Variants in GRB10 observed in about 807,000 individuals in gnomAD.
The protein encoded by GRB10 is growth factor receptor bound protein 10.
In GRB10, 20 loss-of-function variants were observed where a neutral mutation model predicts 80.9. That is an observed-to-expected ratio of 0.25 (90% CI 0.17 to 0.36). The LOEUF is 0.36. GRB10 is among the 10% of genes least tolerant of loss of function. The pLI is 1.00. For missense variants in GRB10, 548 were observed against 747.7 expected (o/e 0.73, Z 3.12); for synonymous variants, 291 against 291.5 (o/e 1.00, Z 0.02).
At chr7:50,619,863 G>A (rs1460431635) in intron 8 of GRB10, among the ~76,000 whole-genome samples, 4 of 152,096 alleles carry the variant, frequency 2.6e-5, no homozygotes, top group Admixed American at 6.5e-5. Context: ...CTTGTCAACC[G>A]AATTACACGT....
chr7:50,674,721 T>C, intron 5 of GRB10, 63 bp from the exon 6 acceptor site: 1 of 1,375,196 alleles, frequency 7.3e-7, no homozygotes, highest in Non-Finnish European at 1.0e-6. Flanking sequence ...CAAACCCAAA[T>C]GTACATCTTG....
chr7:50,700,583 TTTTC>T (rs1378366889), intron 5 of GRB10, among the ~76,000 whole-genome samples: 1 of 152,218 alleles, frequency 6.6e-6, no homozygotes, highest in Non-Finnish European at 1.5e-5. Context: ...TAATTTCAAT[TTTTC>T]TTTTTTTGAA....
At chr7:50,755,670 G>A (rs1010046787) in intron 3 of GRB10, among the ~76,000 whole-genome samples, 2 of 152,104 alleles carry the variant, frequency 1.3e-5, no homozygotes, top group South Asian at 2.1e-4. Flanking sequence ...ATCCCTACCC[G>A]ACTCAGCCCG....
chr7:50,638,475 T>C (rs144332590), intron 7 of GRB10, among the ~76,000 whole-genome samples: 158 of 152,044 alleles, frequency 1.0e-3, no homozygotes, highest in African/African-American at 3.5e-3. Context: ...AAGCGGCCAA[T>C]AAACACATAA....
intron 17 of GRB10, among the ~76,000 whole-genome samples, chr7:50,601,063 G>A (rs1404883687): frequency 1.3e-5 from 2 of 152,238 alleles, no homozygotes; most frequent in South Asian, 4.1e-4. Flanking sequence ...AGAAATGTGG[G>A]CCATCGCGAT....
intron 18 of GRB10, among the ~76,000 whole-genome samples, chr7:50,593,594 T>C (rs2046110822): frequency 6.6e-6 from 1 of 152,152 alleles, no homozygotes. Flanking sequence ...CGCAGGTAAA[T>C]TCCGTTCCTA....
intron 4 of GRB10, among the ~76,000 whole-genome samples, chr7:50,728,105 T>C (rs998180787): frequency 6.6e-6 from 1 of 152,164 alleles, no homozygotes; most frequent in African/African-American, 2.4e-5. Context: ...AAGAGAGACA[T>C]TTCAAATGAT....
intron 4 of GRB10, 150 bp downstream of exon 4, chr7:50,732,122 T>G (rs1290908915): frequency 2.9e-5 from 23 of 790,416 alleles, no homozygotes; most frequent in Non-Finnish European, 6.6e-6. Context: ...AGTGGGCCTC[T>G]GCACCATGGG....
At chr7:50,620,619 G>A (rs2051530849) in intron 8 of GRB10, among the ~76,000 whole-genome samples, 3 of 152,178 alleles carry the variant, frequency 2.0e-5, no homozygotes, top group African/African-American at 7.2e-5. Flanking sequence ...CCCCGTGGCT[G>A]CCAGAAAGCT....
chr7:50,707,427 C>G (rs2065191174), intron 4 of GRB10, among the ~76,000 whole-genome samples: 1 of 152,168 alleles, frequency 6.6e-6, no homozygotes, highest in Non-Finnish European at 1.5e-5. Flanking sequence ...CAGAGCTGCC[C>G]GCTCCCGGGC....
intron 7 of GRB10, among the ~76,000 whole-genome samples, chr7:50,632,758 T>TG (rs1459261598): frequency 6.6e-6 from 1 of 152,106 alleles, no homozygotes; most frequent in African/African-American, 2.4e-5. Context: ...GGCTACCTGC[T>TG]GGGCTAAGCA....
chr7:50,715,211 T>C (rs1197003918), intron 4 of GRB10, among the ~76,000 whole-genome samples: 5 of 151,546 alleles, frequency 3.3e-5, no homozygotes, highest in African/African-American at 1.2e-4. Flanking sequence ...TGGCAGCCCT[T>C]TGAAGGGCAG....
intron 6 of GRB10, among the ~76,000 whole-genome samples, chr7:50,674,166 G>A (rs376292415): frequency 3.3e-5 from 5 of 152,154 alleles, no homozygotes; most frequent in Non-Finnish European, 5.9e-5. Flanking sequence ...TGGTTTTCCT[G>A]CATATCCCTC....
chr7:50,717,918 C>T (rs1453748819), intron 4 of GRB10, among the ~76,000 whole-genome samples: 1 of 152,236 alleles, frequency 6.6e-6, no homozygotes, highest in Non-Finnish European at 1.5e-5. Context: ...CCATGCTTTG[C>T]TTGACCCCAC....
At chr7:50,736,424 C>A (rs908113755) in intron 3 of GRB10, among the ~76,000 whole-genome samples, 18 of 152,210 alleles carry the variant, frequency 1.2e-4, no homozygotes, top group African/African-American at 4.3e-4. Flanking sequence ...TAAATCCTCA[C>A]ATATATGGTC....
chr7:50,663,895 G>T (rs972523512), intron 7 of GRB10, among the ~76,000 whole-genome samples: 1 of 152,188 alleles, frequency 6.6e-6, no homozygotes, highest in African/African-American at 2.4e-5. Flanking sequence ...AAACCAGCAG[G>T]CCAGGACCTG....
intron 2 of GRB10, among the ~76,000 whole-genome samples, chr7:50,773,066 T>A (rs1353752223): frequency 6.6e-6 from 1 of 152,052 alleles, no homozygotes; most frequent in Non-Finnish European, 1.5e-5. Context: ...CTCAAAATCA[T>A]GACAGAAGGT....
intron 2 of GRB10, among the ~76,000 whole-genome samples, chr7:50,774,946 C>T (rs922616424): frequency 2.7e-5 from 4 of 150,572 alleles, no homozygotes; most frequent in Non-Finnish European, 1.5e-5. Flanking sequence ...GAGGTCGAGA[C>T]CAGCCTGGGC....
At chr7:50,715,382 G>A (rs2066692737) in intron 4 of GRB10, among the ~76,000 whole-genome samples, 2 of 152,142 alleles carry the variant, frequency 1.3e-5, no homozygotes, top group East Asian at 3.9e-4. Context: ...CAGATCCCAG[G>A]GCTCAGGAAA....
Sources: allele counts gnomAD v4.1 joint callset (sites outside exome capture counted in the v4.1 genomes callset), GRCh38; gene constraint gnomAD v4.1.1; transcripts MANE v1.5; gene names NCBI Gene and HGNC (gene_info 2026-07-23, HGNC 2026-07-21).